The following NAV1 variants were observed in gnomAD, a reference collection of about 807,000 sequenced individuals.
The protein encoded by NAV1 is pore membrane and/or filament interacting like protein 3.
A neutral mutation model predicts 175.2 loss-of-function variants in NAV1; 18 were observed. The observed-to-expected ratio is 0.10, with a 90% CI of 0.07 to 0.15. The LOEUF (loss-of-function observed/expected upper bound fraction) is 0.15, where lower values mean the gene tolerates loss of function less well. Ranked by LOEUF, NAV1 falls within the 10% of genes least tolerant of loss-of-function variation. The pLI, the probability that NAV1 is intolerant of heterozygous loss-of-function variation, is 1.00. For missense variants in NAV1, 1,731 were observed against 2,436.6 expected (o/e 0.71, Z 6.10); for synonymous variants, 897 against 978.7 (o/e 0.92, Z 1.56).
At position 201,669,047 on chromosome 1, in the gene NAV1, C is replaced by T. The variant is rs184068519; in HGVS notation, c.757+19622C>T. 7.2e-5 allele frequency among the ~76,000 whole-genome samples: 11 copies of T among 152,230 alleles called. No homozygotes were observed. In the East Asian group the frequency reaches 2.1e-3, roughly 29 times the overall value. ...GTAGCTGAGGATGGAGCTTTGGGAC[C>T]CTGTGTAGCACTGTGGTTAAGATCT... On this transcript the variant is annotated intron_variant, in intron 1 of 29. Coordinates refer to ENST00000367296, the Ensembl canonical transcript of NAV1.
chr1:201,649,745 G>A (rs1292123705), intron 1 of NAV1, among the ~76,000 whole-genome samples: 1 of 152,228 alleles, frequency 6.6e-6, no homozygotes, highest in Non-Finnish European at 1.5e-5. Flanking sequence ...ATCCCAATAT[G>A]GCAAAACCTG....
chr1:201,719,523 C>A (rs1672281032), intron 3 of NAV1: 1 of 154,128 alleles, frequency 6.5e-6, no homozygotes, highest in African/African-American at 2.4e-5. Context: ...GCCAGGACCC[C>A]AAGCCCCCAG....
exon 30 of NAV1, chr1:201,826,337 A>G (rs1378744753): frequency 6.6e-6 from 1 of 152,224 alleles, no homozygotes; most frequent in Non-Finnish European, 1.5e-5. Context: ...ATATCAAGGC[A>G]GAGCTACCAT....
intron 3 of NAV1, among the ~76,000 whole-genome samples, chr1:201,777,032 A>G (rs1675996623): frequency 6.6e-6 from 1 of 152,256 alleles, no homozygotes; most frequent in African/African-American, 2.4e-5. Context: ...AGATTCTGAA[A>G]GAAGATATTT....
chr1:201,738,005 TG>T (rs982754209), intron 3 of NAV1, among the ~76,000 whole-genome samples: 1 of 151,974 alleles, frequency 6.6e-6, no homozygotes, highest in African/African-American at 2.4e-5. Flanking sequence ...GTGGTGAGGA[TG>T]GGAGGCTCAG....
At chr1:201,714,718 T>C (rs771198269) in intron 2 of NAV1, among the ~76,000 whole-genome samples, 78 of 152,100 alleles carry the variant, frequency 5.1e-4, no homozygotes, top group Non-Finnish European at 2.4e-4. Context: ...TTGGAACATC[T>C]CTCAGCACCA....
chr1:201,618,468 C>T (rs1668066389), upstream of NAV1, among the ~76,000 whole-genome samples: 1 of 152,118 alleles, frequency 6.6e-6, no homozygotes, highest in Non-Finnish European at 1.5e-5. Context: ...ATCTTCTCTT[C>T]TGGTTTCCAC....
At chr1:201,733,892 CAA>C (rs766039017) in intron 3 of NAV1, among the ~76,000 whole-genome samples, 5 of 152,102 alleles carry the variant, frequency 3.3e-5, no homozygotes, top group Non-Finnish European at 5.9e-5. Context: ...GCTTTTCTTC[CAA>C]GAGAGAGGAA....
chr1:201,789,534 G>A (rs1033726510), intron 10 of NAV1, among the ~76,000 whole-genome samples: 1 of 152,166 alleles, frequency 6.6e-6, no homozygotes, highest in Non-Finnish European at 1.5e-5. Flanking sequence ...GGCTGCCAGA[G>A]AATGTAGGCT....
At chr1:201,630,875 T>C (rs1484364979) in intron 2 of NAV1, among the ~76,000 whole-genome samples, 1 of 152,224 alleles carries the variant, frequency 6.6e-6, no homozygotes. Context: ...GATGCCACAT[T>C]GTTAGAGCCT....
At chr1:201,737,014 C>G (rs1424489745) in intron 3 of NAV1, among the ~76,000 whole-genome samples, 1 of 151,884 alleles carries the variant, frequency 6.6e-6, no homozygotes, top group Non-Finnish European at 1.5e-5. Context: ...TCAAGACAAC[C>G]GTGCCACCAT....
chr1:201,695,151 C>G lies in NAV1; in HGVS notation c.758-17666C>G, dbSNP rs563741255. 5.8e-4 allele frequency among the ~76,000 whole-genome samples: 89 copies of G among 152,364 alleles called. 2 individuals carry two copies. Among genetic ancestry groups the G allele is most frequent in the Admixed American group, 5.4e-3 (82 of 15,310 alleles). On this transcript the variant is annotated intron_variant, in intron 1 of 29. Coordinates refer to ENST00000367296, the Ensembl canonical transcript of NAV1. Reference sequence around the variant, plus strand: ...GGACCAGCCTCTTCCATGCTCAGGCCTCTTGGCCCCCCTGGATGGGCTCAG... The same window carrying G: ...GGACCAGCCTCTTCCATGCTCAGGCGTCTTGGCCCCCCTGGATGGGCTCAG...
intron 1 of NAV1, among the ~76,000 whole-genome samples, chr1:201,581,548 G>T (rs1325309520): frequency 3.3e-5 from 5 of 152,300 alleles, no homozygotes; most frequent in East Asian, 1.9e-4. Context: ...CAGAGCTCCG[G>T]CCGGGCGCGG....
chr1:201,790,498 C>T, intron 11 of NAV1, 56 bp from the exon 16 acceptor site: 1 of 1,605,324 alleles, frequency 6.2e-7, no homozygotes, highest in Non-Finnish European at 8.5e-7. Flanking sequence ...TTCTTCACCT[C>T]CATAGTAACT....
intron 1 of NAV1, among the ~76,000 whole-genome samples, chr1:201,573,867 G>A (rs1446795019): frequency 2.0e-5 from 3 of 152,058 alleles, no homozygotes; most frequent in Admixed American, 6.5e-5. Flanking sequence ...CCCAACCTGG[G>A]CAACATAGAA....
chr1:201,611,136 C>T (rs1326016115), intron 2 of NAV1, among the ~76,000 whole-genome samples: 2 of 152,210 alleles, frequency 1.3e-5, no homozygotes, highest in African/African-American at 2.4e-5. Flanking sequence ...CCACTCTGCC[C>T]ATGCCCACTC....
intron 2 of NAV1, among the ~76,000 whole-genome samples, chr1:201,640,414 T>C (rs557187757): frequency 2.8e-4 from 42 of 152,240 alleles, no homozygotes; most frequent in African/African-American, 1.0e-3. Context: ...AGTGTCTCCT[T>C]TTTTTTCAGC....
chr1:201,708,793 G>C (rs1289241165), intron 1 of NAV1, among the ~76,000 whole-genome samples: 1 of 152,152 alleles, frequency 6.6e-6, no homozygotes, highest in Non-Finnish European at 1.5e-5. Context: ...CCCACACCCA[G>C]AGCAAAACAT....
In NAV1 at chr1:201,808,386, T is replaced by C. The variant is rs767282010; in HGVS notation, c.3846-32T>C. The C allele has an allele frequency of 7.6e-6, 12 of 1,585,860 alleles. No individual in the cohort carries two copies. In the African/African-American group the frequency reaches 1.4e-4, roughly 18 times the overall value. ...CTCTAGTAACTCTAGTGCTTCTTCA[T>C]GTAGCCTGGCTTGACTCTTGCTATC... On this transcript the variant is annotated intron_variant, in intron 18 of 29. Transcript: ENST00000367296. This position sits in a 1 kb window ranked among gnomAD's most constrained non-coding sequence, Gnocchi z 5.5.
Sources: allele counts gnomAD v4.1 joint callset (sites outside exome capture counted in the v4.1 genomes callset), GRCh38; gene constraint gnomAD v4.1.1; non-coding constraint Gnocchi (gnomAD v3.1); transcripts MANE v1.5; gene names NCBI Gene and HGNC (gene_info 2026-07-23, HGNC 2026-07-21).